Variants in GRID2 observed in about 807,000 individuals in gnomAD.
GRID2 encodes the protein glutamate ionotropic receptor delta type subunit 2, also known as glutamate receptor ionotropic, delta-2.
In GRID2, 33 loss-of-function variants were observed where a neutral mutation model predicts 114.8. That is an observed-to-expected ratio of 0.29 (90% CI 0.22 to 0.38). GRID2 has a LOEUF of 0.38. Ranked by LOEUF, GRID2 falls within the 10% of genes least tolerant of loss-of-function variation. The pLI, the probability that GRID2 is intolerant of heterozygous loss-of-function variation, is 1.00. For missense variants in GRID2, 1,184 were observed against 1,257.7 expected (o/e 0.94, Z 0.89); for synonymous variants, 505 against 449.9 (o/e 1.12, Z -1.55).
At chr4:93,143,274 C>T (rs1455235379) in intron 4 of GRID2, among the ~76,000 whole-genome samples, 3 of 152,172 alleles carry the variant, frequency 2.0e-5, no homozygotes, top group African/African-American at 7.2e-5. Context: ...AATTATTTTG[C>T]ATTACAACCA....
chr4:93,768,621 A>C (rs958728388), intron 14 of GRID2, among the ~76,000 whole-genome samples: 2 of 152,114 alleles, frequency 1.3e-5, no homozygotes, highest in Non-Finnish European at 2.9e-5. Flanking sequence ...TGTGCGAAAA[A>C]CCAAAAAAGA....
intron 13 of GRID2, among the ~76,000 whole-genome samples, chr4:93,596,112 C>A (rs1739057039): frequency 6.6e-6 from 1 of 152,128 alleles, no homozygotes; most frequent in African/African-American, 2.4e-5. Context: ...TTTCCTATTG[C>A]CTTGTGTTTA....
At chr4:93,257,999 T>TACACAC (rs3970979) in intron 8 of GRID2, among the ~76,000 whole-genome samples, 2 of 35,982 alleles carry the variant, frequency 5.6e-5, no homozygotes, top group South Asian at 6.6e-4. Context: ...TATATATATA[T>TACACAC]ACACACACAC....
intron 8 of GRID2, among the ~76,000 whole-genome samples, chr4:93,348,922 T>A (rs1045707195): frequency 1.3e-5 from 2 of 152,202 alleles, no homozygotes; most frequent in African/African-American, 4.8e-5. Context: ...CAATAATGGG[T>A]ACTCAGCAGA....
At chr4:92,949,893 A>G (rs554541598) in intron 2 of GRID2, among the ~76,000 whole-genome samples, 6 of 152,218 alleles carry the variant, frequency 3.9e-5, no homozygotes, top group African/African-American at 1.4e-4. Context: ...TCAGCCAGCT[A>G]CAGATAAACA....
rs553894549 is a variant in GRID2, at chr4:93,008,899, G to A, written c.245-76096G>A. ...TCATTTCAAAAATATTTTGTAAAGT[G>A]GTTCATAGGCCTTTGTTAATGGCTT... On this transcript the variant is annotated intron_variant, in intron 2 of 15. Transcript: ENST00000282020. Among the ~76,000 whole-genome samples the A allele has an allele frequency of 4.6e-5, 7 of 152,176 alleles. No individual in the cohort carries two copies. In the East Asian group the frequency reaches 9.7e-4, roughly 21 times the overall value.
intron 2 of GRID2, among the ~76,000 whole-genome samples, chr4:92,716,126 A>G (rs945280197): frequency 1.3e-5 from 2 of 152,208 alleles, no homozygotes; most frequent in Non-Finnish European, 2.9e-5. Flanking sequence ...GCATTTTCAC[A>G]TTAGTGGGTT....
At position 92,984,930 on chromosome 4, in the gene GRID2, T is replaced by TAGGA. The variant is rs554022689; in HGVS notation, c.245-100064_245-100061dup. ...TATTTTTTCTCTCACTGCTTCTTGGTAGGACTACATAATATTAACAAGTCT... is the reference window on the plus strand; with the variant it reads ...TATTTTTTCTCTCACTGCTTCTTGGTAGGAAGGACTACATAATATTAACAAGTCT... On this transcript the variant is annotated intron_variant, in intron 2 of 15. Transcript: ENST00000282020. 8.5e-5 allele frequency among the ~76,000 whole-genome samples: 13 copies of TAGGA among 152,240 alleles called. No individual in the cohort carries two copies. The South Asian group carries it at 2.7e-3, about 32-fold the overall frequency.
chr4:92,905,862 A>C (rs1211444059), intron 2 of GRID2, among the ~76,000 whole-genome samples: 1 of 152,082 alleles, frequency 6.6e-6, no homozygotes, highest in African/African-American at 2.4e-5. Context: ...TGTGAGCAAG[A>C]CACTTTTAGT....
At chr4:93,575,395 C>G (rs936744153) in intron 13 of GRID2, among the ~76,000 whole-genome samples, 2 of 152,112 alleles carry the variant, frequency 1.3e-5, no homozygotes, top group Non-Finnish European at 2.9e-5. Flanking sequence ...GTGGCAAGGA[C>G]TCTGTTCTAA....
chr4:93,312,802 C>T (rs945598620), intron 8 of GRID2, among the ~76,000 whole-genome samples: 1 of 152,108 alleles, frequency 6.6e-6, no homozygotes, highest in Non-Finnish European at 1.5e-5. Context: ...TAGTTCACTA[C>T]CCATGTTTCT....
chr4:92,834,450 A>G (rs548522315), intron 2 of GRID2, among the ~76,000 whole-genome samples: 1 of 152,288 alleles, frequency 6.6e-6, no homozygotes, highest in Non-Finnish European at 1.5e-5. Context: ...TGATCTCCAC[A>G]TTCTAGCATA....
At chr4:93,169,185 A>ACACAC (rs1560947783) in intron 4 of GRID2, among the ~76,000 whole-genome samples, 1 of 126,712 alleles carries the variant, frequency 7.9e-6, no homozygotes, top group Non-Finnish European at 1.8e-5. Context: ...CACACACACA[A>ACACAC]ACTTAAAATA....
At chr4:92,740,951 A>G (rs1179883714) in intron 2 of GRID2, among the ~76,000 whole-genome samples, 4 of 152,000 alleles carry the variant, frequency 2.6e-5, no homozygotes, top group African/African-American at 9.7e-5. Flanking sequence ...AAGGGGTTTC[A>G]CCATGTTGGG....
intron 4 of GRID2, among the ~76,000 whole-genome samples, chr4:93,146,558 T>C (rs1236615221): frequency 2.0e-5 from 3 of 151,960 alleles, no homozygotes; most frequent in Non-Finnish European, 2.9e-5. Context: ...CTGAAGAGTC[T>C]TTCTGGATTC....
chr4:93,235,754 C>T (rs1359487498), intron 7 of GRID2, among the ~76,000 whole-genome samples: 1 of 151,990 alleles, frequency 6.6e-6, no homozygotes, highest in African/African-American at 2.4e-5. Context: ...AAACTAAATG[C>T]AAGTCCCCCA....
At chr4:93,376,741 T>G (rs181081011) in intron 8 of GRID2, among the ~76,000 whole-genome samples, 6 of 152,258 alleles carry the variant, frequency 3.9e-5, no homozygotes, top group African/African-American at 1.4e-4. Flanking sequence ...ATGCCACATG[T>G]TCTCACTTAT....
At chr4:93,771,219 T>C (rs562490208) in intron 15 of GRID2, among the ~76,000 whole-genome samples, 1 of 152,248 alleles carries the variant, frequency 6.6e-6, no homozygotes, top group Non-Finnish European at 1.5e-5. Flanking sequence ...TACTCACTTT[T>C]AGTGAAAAAT....
At chr4:93,177,037 C>A (rs1319415878) in intron 4 of GRID2, among the ~76,000 whole-genome samples, 1 of 152,092 alleles carries the variant, frequency 6.6e-6, no homozygotes, top group African/African-American at 2.4e-5. Flanking sequence ...AAAAAATTTG[C>A]TGCGTGATAC....
Sources: gnomAD v4.1 joint callset for allele counts (sites outside exome capture counted in the v4.1 genomes callset) on GRCh38, gnomAD v4.1.1 for gene constraint, MANE v1.5 for transcripts, NCBI Gene and HGNC (gene_info 2026-07-23, HGNC 2026-07-21) for gene names.